DCP2: variants seen among roughly 807,000 people sequenced by gnomAD.
DCP2 encodes the protein m7GpppN-mRNA hydrolase.
DCP2 carries 30 observed loss-of-function variants against 56.1 expected under a neutral mutation model. The ratio of observed to expected loss-of-function variants is 0.53; its 90% confidence interval spans 0.40 to 0.73. The LOEUF (loss-of-function observed/expected upper bound fraction) is 0.73, where lower values mean the gene tolerates loss of function less well. DCP2 is among the 30% of genes least tolerant of loss of function. The pLI, the probability that DCP2 is intolerant of heterozygous loss-of-function variation, is 0.00. For synonymous variants in DCP2, 197 were observed against 163.3 expected (o/e 1.21, Z -1.57); for missense variants, 533 against 502.7 (o/e 1.06, Z -0.58).
At chr5:112,980,424 C>T (rs2150166112) in intron 1 of DCP2, among the ~76,000 whole-genome samples, 1 of 152,338 alleles carries the variant, frequency 6.6e-6, no homozygotes, top group Non-Finnish European at 1.5e-5. Context: ...GAACATTTTT[C>T]TACTAATTGC....
rs1213342980 is a variant in DCP2 at position 113,019,740 on chromosome 5, T to C, written c.*6256T>C. On this transcript the variant is annotated 3_prime_UTR_variant, in exon 11 of 11. Coordinates refer to ENST00000389063, the MANE Select transcript of DCP2 (RefSeq NM_152624.6). Reference sequence around the variant, plus strand: ...ATTAGCTTAATACCTTATAGTACTTTTAAAAAATCATCCTTGGTAATTATT... The same window carrying C: ...ATTAGCTTAATACCTTATAGTACTTCTAAAAAATCATCCTTGGTAATTATT... 1 of 152,254 alleles carries C rather than the reference T, an allele frequency of 6.6e-6. No individual in the cohort carries two copies. The highest frequency in any genetic ancestry group is 6.5e-5 in the Admixed American group (1 of 15,288). The allele number at this position is 152,254 out of a possible 1,614,324, so 9.4% of individuals were successfully genotyped here. A position where few individuals can be genotyped will look rare whatever the true frequency, so the allele number is the denominator to read the frequency against.
chr5:112,998,771 T>G (rs1748983008), intron 4 of DCP2, among the ~76,000 whole-genome samples: 1 of 152,268 alleles, frequency 6.6e-6, no homozygotes, highest in Admixed American at 6.5e-5. Flanking sequence ...TATTGCTGAA[T>G]TATTTAAGAG....
intron 1 of DCP2, 22 bp from the exon 2 acceptor site, chr5:112,985,813 G>T (rs750028041): frequency 6.3e-6 from 10 of 1,590,268 alleles, no homozygotes; most frequent in Non-Finnish European, 8.6e-6. Flanking sequence ...TGTAATTTTT[G>T]TATGTGTTTT....
chr5:113,017,431 T>C lies in DCP2; in HGVS notation c.*3947T>C, dbSNP rs1749934618. 1 of 152,220 alleles carries C rather than the reference T, an allele frequency of 6.6e-6. No homozygotes were observed. 9.4% of individuals were successfully genotyped at this position (152,220 alleles called of 1,614,324 possible). On this transcript the variant is annotated 3_prime_UTR_variant, in exon 11 of 11. Transcript: ENST00000389063. ...TCTAGGTAGAGTTTCTGATTTTGTA[T>C]TATGTCCTAAGACTTGAAAGTGCAT...
chr5:113,009,918 T>C (rs888167830), intron 9 of DCP2, among the ~76,000 whole-genome samples: 1 of 145,158 alleles, frequency 6.9e-6, no homozygotes, highest in Non-Finnish European at 1.5e-5. Context: ...AATCTTTTTT[T>C]TCCTTTTTTT....
rs764689436 is a variant in DCP2, at chr5:112,985,884, G to A, written c.103G>A (p.Val35Met). Residue 35 changes from valine to methionine, a missense_variant, in exon 2 of 11, where the codon GTG becomes ATG. Around this residue, in one of 3 missense-constraint regions of DCP2, gnomAD observed 137 missense variants for 138.2 expected, o/e 0.99. Transcript: ENST00000389063. Reference sequence around the variant, plus strand: ...CGAGGAAAGAGACAATGCAATCCGAGTGTGTTTTCAGATTGAACTTGCCCA... The same window carrying A: ...CGAGGAAAGAGACAATGCAATCCGAATGTGTTTTCAGATTGAACTTGCCCA... ...PSEERDNAIR[V>M]CFQIELAHWF... 6.2e-7 allele frequency: 1 copy of A among 1,610,686 alleles called. No homozygotes were observed. The highest frequency in any genetic ancestry group is 1.1e-5 in the South Asian group (1 of 90,894).
intron 4 of DCP2, among the ~76,000 whole-genome samples, chr5:112,998,408 A>C (rs1294900921): frequency 2.6e-5 from 4 of 152,038 alleles, no homozygotes; most frequent in African/African-American, 4.8e-5. Flanking sequence ...CCATCCCCCA[A>C]CTCTCAAAGA....
chr5:112,998,783 A>G (rs1047809941), intron 4 of DCP2, among the ~76,000 whole-genome samples: 1 of 152,266 alleles, frequency 6.6e-6, no homozygotes, highest in Non-Finnish European at 1.5e-5. Flanking sequence ...ATTTAAGAGT[A>G]AATTGCAAAC....
At chr5:112,990,735 C>G (rs1013547536) in intron 2 of DCP2, among the ~76,000 whole-genome samples, 1 of 152,138 alleles carries the variant, frequency 6.6e-6, no homozygotes, top group African/African-American at 2.4e-5. Context: ...AGCCACCACA[C>G]CTGGCCAAAT....
At position 113,008,638 on chromosome 5, in the gene DCP2, A is replaced by T. The variant is rs560069770; in HGVS notation, c.1047+596A>T. ...TCATTTATTGGTGAGTAATAATAGT[A>T]ATTTCAAATTTTTAGCAAAAATATT... On this transcript the variant is annotated intron_variant, in intron 9 of 10. Coordinates refer to ENST00000389063, the MANE Select transcript of DCP2 (RefSeq NM_152624.6). 9.6e-4 allele frequency among the ~76,000 whole-genome samples: 146 copies of T among 152,246 alleles called. 1 individual carries two copies. Among genetic ancestry groups the T allele is most frequent in the African/African-American group, 3.4e-3 (143 of 41,536 alleles).
rs1272770850 is a variant in DCP2 at position 113,021,701 on chromosome 5, T to TGGAAG, written c.*8217_*8218insGGAAG. 1.7e-5 allele frequency among the ~76,000 whole-genome samples: 2 copies of TGGAAG among 118,702 alleles called. No homozygotes were observed. Among genetic ancestry groups the TGGAAG allele is most frequent in the African/African-American group, 5.3e-5 (2 of 37,692 alleles). 77.9% of individuals were successfully genotyped at this position (118,702 alleles called of 152,430 possible). On this transcript the variant is annotated 3_prime_UTR_variant, in exon 11 of 11. Transcript: ENST00000389063. Reference sequence around the variant, plus strand: ...AGTGACTAAGGTGTTATACTTACTGTCAAAGTTACTTTGCTTCCATAGTGA... The same window carrying TGGAAG: ...AGTGACTAAGGTGTTATACTTACTGTGGAAGCAAAGTTACTTTGCTTCCATAGTGA...
chr5:112,995,929 A>G (rs755897951), intron 4 of DCP2, among the ~76,000 whole-genome samples: 1 of 152,222 alleles, frequency 6.6e-6, no homozygotes, highest in East Asian at 1.9e-4. Context: ...CACCTTGCTG[A>G]GCACACTTAT....
In DCP2 at chr5:113,013,957, T is replaced by A. The variant is rs1381078590; in HGVS notation, c.*473T>A. ...CGTCAGCATTACAGGTGATCTATTT[T>A]GGTGGCATTTTGTACTTCTCTCTGC... On this transcript the variant is annotated 3_prime_UTR_variant, in exon 11 of 11. Coordinates refer to ENST00000389063, the MANE Select transcript of DCP2 (RefSeq NM_152624.6). 1.3e-5 allele frequency: 2 copies of A among 152,762 alleles called. No individual in the cohort carries two copies. Among genetic ancestry groups the A allele is most frequent in the Admixed American group, 1.3e-4 (2 of 15,350 alleles). 9.5% of individuals were successfully genotyped at this position (152,762 alleles called of 1,614,324 possible).
chr5:112,984,703 A>AAAAAAATATATATATAT, intron 1 of DCP2: 1 of 64,858 alleles, frequency 1.5e-5, no homozygotes, highest in Admixed American at 1.7e-4. Flanking sequence ...AAAAAAAAAA[A>AAAAAAATATATATATAT]ATATATATAT....
rs142842208 is a variant in DCP2 at position 113,016,188 on chromosome 5, G to T, written c.*2704G>T. 1,272 of 152,728 alleles carry T rather than the reference G, an allele frequency of 8.3e-3. 8 individuals are homozygous for T. The highest frequency in any genetic ancestry group is 0.013 in the Non-Finnish European group (915 of 68,016). 9.5% of individuals were successfully genotyped at this position (152,728 alleles called of 1,614,324 possible). A position where few individuals can be genotyped will look rare whatever the true frequency, so the allele number is the denominator to read the frequency against. Reference sequence around the variant, plus strand: ...AACCATTGTAATCCAAAAGATAAGGGTGTGGTTTACATGCTTTTCAAAAAT... The same window carrying T: ...AACCATTGTAATCCAAAAGATAAGGTTGTGGTTTACATGCTTTTCAAAAAT... On this transcript the variant is annotated 3_prime_UTR_variant, in exon 11 of 11. Transcript: ENST00000389063.
chr5:112,978,384 CA>C (rs1303960471), intron 1 of DCP2, among the ~76,000 whole-genome samples: 1 of 152,210 alleles, frequency 6.6e-6, no homozygotes, highest in African/African-American at 2.4e-5. Context: ...TTCATCTGCG[CA>C]AACAGATTCA....
At chr5:112,997,808 T>C (rs555430095) in intron 4 of DCP2, among the ~76,000 whole-genome samples, 1 of 152,228 alleles carries the variant, frequency 6.6e-6, no homozygotes, top group South Asian at 2.1e-4. Context: ...AGAGATGGGG[T>C]TTCACTATGT....
rs983504161 is a variant in DCP2 at position 113,021,877 on chromosome 5, T to C, written c.*8393T>C. Among the ~76,000 whole-genome samples, 1 of 152,210 alleles carries C rather than the reference T, an allele frequency of 6.6e-6. No individual in the cohort carries two copies. Among genetic ancestry groups the C allele is most frequent in the Admixed American group, 6.5e-5 (1 of 15,282 alleles). Reference sequence around the variant, plus strand: ...TAAGAGGGGAAAAGACTCTCTTCAATAGATAACTTCCTATTTATGCCAAAT... The same window carrying C: ...TAAGAGGGGAAAAGACTCTCTTCAACAGATAACTTCCTATTTATGCCAAAT... On this transcript the variant is annotated 3_prime_UTR_variant, in exon 11 of 11. Transcript: ENST00000389063.
At chr5:112,989,378 T>C (rs1257650320) in intron 2 of DCP2, among the ~76,000 whole-genome samples, 1 of 152,118 alleles carries the variant, frequency 6.6e-6, no homozygotes, top group Non-Finnish European at 1.5e-5. Flanking sequence ...AGTCGTTTAC[T>C]TGGCACAGTG....
Sources: gnomAD v4.1 joint callset for allele counts (sites outside exome capture counted in the v4.1 genomes callset) on GRCh38, gnomAD v4.1.1 for gene constraint, gnomAD v4.1.1 regional missense constraint, MANE v1.5 for transcripts, NCBI Gene and HGNC (gene_info 2026-07-23, HGNC 2026-07-21) for gene names.